The following HECW1 variants were observed in gnomAD, a reference collection of about 807,000 sequenced individuals.
The protein encoded by HECW1 is E3 ubiquitin-protein ligase HECW1.
A neutral mutation model predicts 182.3 loss-of-function variants in HECW1; 61 were observed. The ratio of observed to expected loss-of-function variants is 0.33; its 90% CI spans 0.27 to 0.41. The LOEUF (loss-of-function observed/expected upper bound fraction) is 0.41. Ranked by LOEUF, HECW1 falls within the 10% of genes least tolerant of loss-of-function variation. The pLI is 1.00. For missense variants in HECW1, 1,739 were observed against 2,108.9 expected (o/e 0.82, Z 3.44); for synonymous variants, 859 against 832.6 (o/e 1.03, Z -0.55).
At chr7:43,229,213 A>G (rs949140695) in intron 2 of HECW1, among the ~76,000 whole-genome samples, 1 of 152,216 alleles carries the variant, frequency 6.6e-6, no homozygotes, top group African/African-American at 2.4e-5. Flanking sequence ...GCTGACACCA[A>G]ATAGGAGTTC....
rs386712610 is a variant in HECW1 at position 43,237,839 on chromosome 7, CGCCG to C, written c.-31-6035_-31-6032del. 1.6e-3 allele frequency among the ~76,000 whole-genome samples: 230 copies of C among 146,174 alleles called. 3 individuals carry two copies. The highest frequency in any genetic ancestry group is 5.8e-3 in the African/African-American group (222 of 37,964). On this transcript the variant is annotated intron_variant, in intron 2 of 29. Transcript: ENST00000395891. ...ATGCAATTCACCAGTCTTTCCCCCC[CGCCG>C]CCCCCACTTGGAGCCTGCAAAAGCG... is the stretch of plus-strand genomic sequence containing the variant.
At chr7:43,259,621 G>A (rs1800960515) in intron 3 of HECW1, among the ~76,000 whole-genome samples, 1 of 152,030 alleles carries the variant, frequency 6.6e-6, no homozygotes, top group African/African-American at 2.4e-5. Context: ...ACAGAGAAAT[G>A]GGAGCCATAA....
At chr7:43,317,156 G>A (rs555068180) in intron 4 of HECW1, among the ~76,000 whole-genome samples, 20 of 152,298 alleles carry the variant, frequency 1.3e-4, no homozygotes, top group African/African-American at 4.6e-4. Context: ...GCTGCTACAA[G>A]CATGGCCTTG....
At chr7:43,263,431 G>A (rs1350232725) in intron 3 of HECW1, among the ~76,000 whole-genome samples, 2 of 152,194 alleles carry the variant, frequency 1.3e-5, no homozygotes, top group African/African-American at 4.8e-5. Context: ...TGCCATCTTG[G>A]CTCACTACAA....
intron 1 of HECW1, 37 bp downstream of exon 1, chr7:43,112,974 C>A (rs569597535): frequency 9.7e-6 from 2 of 205,722 alleles, no homozygotes; most frequent in African/African-American, 4.6e-5. Flanking sequence ...GTCTGCCGCC[C>A]CTTCCCCCCC....
At chr7:43,371,777 G>C (rs914815012) in intron 6 of HECW1, among the ~76,000 whole-genome samples, 5 of 152,194 alleles carry the variant, frequency 3.3e-5, no homozygotes, top group Non-Finnish European at 7.4e-5. Flanking sequence ...GGAGCAGATT[G>C]TGATTATGGG....
chr7:43,508,185 C>T, intron 23 of HECW1, 54 bp downstream of exon 23: 2 of 1,206,384 alleles, frequency 1.7e-6, no homozygotes, highest in Non-Finnish European at 2.5e-6. Flanking sequence ...GCCAGAGCCT[C>T]AGGGTCAGGG....
chr7:43,483,053 G>C (rs188755042), intron 17 of HECW1, among the ~76,000 whole-genome samples: 2 of 152,348 alleles, frequency 1.3e-5, no homozygotes, highest in East Asian at 1.9e-4. Context: ...GGCTCACAGA[G>C]AGACAGTGAC....
At chr7:43,228,959 A>C (rs1444114078) in intron 2 of HECW1, among the ~76,000 whole-genome samples, 3 of 152,234 alleles carry the variant, frequency 2.0e-5, no homozygotes, top group African/African-American at 7.2e-5. Flanking sequence ...TAGATTCTGC[A>C]TCATGAGTGT....
At chr7:43,322,134 A>G (rs538768082) in intron 5 of HECW1, among the ~76,000 whole-genome samples, 96 of 152,300 alleles carry the variant, frequency 6.3e-4, no homozygotes, top group African/African-American at 2.1e-3. Context: ...CAATGGCACA[A>G]TCTCGGCTCA....
At chr7:43,472,532 C>T (rs2078063488) in intron 16 of HECW1, among the ~76,000 whole-genome samples, 1 of 151,816 alleles carries the variant, frequency 6.6e-6, no homozygotes. Flanking sequence ...ATAGAGTTAC[C>T]TGAGGGAAGA....
rs1490294116 is a variant in HECW1, at chr7:43,565,434, T to C, written c.*3508T>C. The C allele has an allele frequency of 5.0e-6, 1 of 198,816 alleles. No individual in the cohort carries two copies. The highest frequency in any genetic ancestry group is 1.0e-5 in the Non-Finnish European group (1 of 96,216). 12.3% of individuals were successfully genotyped at this position (198,816 alleles called of 1,614,324 possible). Reference sequence around the variant, plus strand: ...TTACATCCATCATATTTTCAGTCCATGTGTCAAACCATGTGTCCAAAATTT... The same window carrying C: ...TTACATCCATCATATTTTCAGTCCACGTGTCAAACCATGTGTCCAAAATTT... On this transcript the variant is annotated 3_prime_UTR_variant, in exon 30 of 30. Transcript: ENST00000395891.
rs996488913 is a variant in HECW1, at chr7:43,564,818, A to G, written c.*2892A>G. The G allele has an allele frequency of 1.1e-4, 21 of 182,886 alleles. No homozygotes were observed. The highest frequency in any genetic ancestry group is 1.0e-3 in the Admixed American group (16 of 15,974). The allele number at this position is 182,886 out of a possible 1,614,324, so 11.3% of individuals were successfully genotyped here. On this transcript the variant is annotated 3_prime_UTR_variant, in exon 30 of 30. Coordinates refer to ENST00000395891, the MANE Select transcript of HECW1 (RefSeq NM_015052.5). ...ATAGAACTAAATTTCACTTAGGTGG[A>G]GGTATAAACCACCTTAAATTATATA...
chr7:43,195,000 C>T (rs1036918428), intron 2 of HECW1, among the ~76,000 whole-genome samples: 2 of 152,102 alleles, frequency 1.3e-5, no homozygotes, highest in African/African-American at 4.8e-5. Context: ...TCATCTCAGG[C>T]AGGTCAGGTG....
intron 2 of HECW1, among the ~76,000 whole-genome samples, chr7:43,142,473 G>A (rs1418392680): frequency 3.9e-5 from 6 of 152,060 alleles, no homozygotes; most frequent in African/African-American, 4.8e-5. Context: ...TCCGAGGGTC[G>A]AGGGTGGGCT....
intron 3 of HECW1, among the ~76,000 whole-genome samples, chr7:43,246,874 C>A (rs1283171941): frequency 6.6e-6 from 1 of 152,122 alleles, no homozygotes; most frequent in Admixed American, 6.5e-5. Flanking sequence ...CTCTCAGGAG[C>A]AAAAACTGCC....
intron 2 of HECW1, among the ~76,000 whole-genome samples, chr7:43,220,141 T>C (rs953919736): frequency 1.3e-4 from 20 of 152,350 alleles, no homozygotes; most frequent in African/African-American, 4.6e-4. Context: ...GGTTTTCTAA[T>C]TTACTAGAAT....
chr7:43,436,869 G>A (rs1040794464), intron 8 of HECW1, among the ~76,000 whole-genome samples: 20 of 152,024 alleles, frequency 1.3e-4, no homozygotes, highest in African/African-American at 4.8e-4. Flanking sequence ...TAAAATTTTT[G>A]TGTATATTGT....
At chr7:43,525,819 G>T (rs2080734207) in intron 24 of HECW1, among the ~76,000 whole-genome samples, 1 of 152,216 alleles carries the variant, frequency 6.6e-6, no homozygotes, top group Admixed American at 6.5e-5. Context: ...TAGGCTGAGA[G>T]CAGATCAGCC....
Sources: gnomAD v4.1 joint callset for allele counts (sites outside exome capture counted in the v4.1 genomes callset) on GRCh38, gnomAD v4.1.1 for gene constraint, MANE v1.5 for transcripts, NCBI Gene and HGNC (gene_info 2026-07-23, HGNC 2026-07-21) for gene names.